The following SKI variants were observed in gnomAD, a reference collection of about 807,000 sequenced individuals.
The protein encoded by SKI is SKI proto-oncogene.
A neutral mutation model predicts 59.3 loss-of-function variants in SKI; 23 were observed. The observed-to-expected ratio is 0.39, with a 90% CI of 0.28 to 0.55. The LOEUF (loss-of-function observed/expected upper bound fraction) is 0.55. SKI is among the 20% of genes least tolerant of loss of function. The pLI, the probability that SKI is intolerant of heterozygous loss-of-function variation, is 0.67. For missense variants in SKI, 1,017 were observed against 1,038.9 expected (o/e 0.98, Z 0.29); for synonymous variants, 673 against 488.6 (o/e 1.38, Z -4.98).
intron 1 of SKI, among the ~76,000 whole-genome samples, chr1:2,246,428 C>G (rs1638997259): frequency 6.6e-6 from 1 of 152,098 alleles, no homozygotes; most frequent in South Asian, 2.1e-4. Context: ...TGATCCTGTT[C>G]TACTTGTAAA....
At chr1:2,230,486 G>A (rs1161173477) in intron 1 of SKI, among the ~76,000 whole-genome samples, 1 of 152,202 alleles carries the variant, frequency 6.6e-6, no homozygotes, top group East Asian at 1.9e-4. Flanking sequence ...GGGCCCGCGT[G>A]CTGGAGTTAC....
chr1:2,298,142 G>A (rs1640332097), intron 1 of SKI, among the ~76,000 whole-genome samples: 1 of 152,186 alleles, frequency 6.6e-6, no homozygotes. Context: ...ACTGTGCGTT[G>A]TTCACATGTG....
intron 1 of SKI, among the ~76,000 whole-genome samples, chr1:2,266,000 A>G (rs1197255851): frequency 6.6e-6 from 1 of 151,878 alleles, no homozygotes; most frequent in Non-Finnish European, 1.5e-5. Flanking sequence ...AAAAATCTTG[A>G]GCTTTGTCTA....
chr1:2,298,572 T>C (rs1422148509), intron 1 of SKI, among the ~76,000 whole-genome samples: 2 of 152,152 alleles, frequency 1.3e-5, no homozygotes, highest in African/African-American at 2.4e-5. Flanking sequence ...CCTTGTATCC[T>C]TTGGCCCTAA....
chr1:2,240,446 G>T (rs1638845651), intron 1 of SKI: 1 of 980,054 alleles, frequency 1.0e-6, no homozygotes, highest in African/African-American at 1.7e-5. Context: ...TTGGCGGCAA[G>T]CCACATGCTG....
intron 1 of SKI, among the ~76,000 whole-genome samples, chr1:2,275,990 CT>C: frequency 1.3e-5 from 2 of 152,208 alleles, no homozygotes; most frequent in Non-Finnish European, 2.9e-5. Flanking sequence ...CAGGCTGGTC[CT>C]GGGGCAGGCA....
intron 1 of SKI, among the ~76,000 whole-genome samples, chr1:2,265,267 G>A (rs555082247): frequency 5.9e-5 from 9 of 152,294 alleles, no homozygotes; most frequent in African/African-American, 9.6e-5. Context: ...TTGGTGGCCC[G>A]TGTGTCAGTC....
intron 1 of SKI, among the ~76,000 whole-genome samples, chr1:2,243,387 C>T (rs951170880): frequency 6.6e-6 from 1 of 152,256 alleles, no homozygotes; most frequent in Non-Finnish European, 1.5e-5. Context: ...CCTGCCCTTT[C>T]TGCAGCTGTG....
chr1:2,245,980 A>G (rs1638985600), intron 1 of SKI, among the ~76,000 whole-genome samples: 1 of 148,966 alleles, frequency 6.7e-6, no homozygotes, highest in South Asian at 2.1e-4. Flanking sequence ...TTTTTTTAGT[A>G]GAGACGGGTT....
rs1639564072 is a variant in SKI at position 2,269,191 on chromosome 1, C to T, written c.970-33787C>T. Among the ~76,000 whole-genome samples, 1 of 152,200 alleles carries T rather than the reference C, an allele frequency of 6.6e-6. No homozygotes were observed. The highest frequency in any genetic ancestry group is 1.5e-5 in the Non-Finnish European group (1 of 68,038). On this transcript the variant is annotated intron_variant, in intron 1 of 6. Transcript: ENST00000378536. This position sits in a 1 kb window ranked among gnomAD's most constrained non-coding sequence, Gnocchi z 4.7. The stretch of plus-strand genomic sequence containing the variant: ...AGAACTCCTGGGCTCAAGCGATCCT[C>T]CTGCTTCAGCCTCCCAAAGTGTTGG...
intron 1 of SKI, among the ~76,000 whole-genome samples, chr1:2,301,366 C>A (rs984860731): frequency 1.3e-5 from 2 of 152,242 alleles, no homozygotes; most frequent in African/African-American, 4.8e-5. Context: ...AAACCATCCA[C>A]AGCCGTGAGC....
intron 1 of SKI, among the ~76,000 whole-genome samples, chr1:2,299,305 T>C (rs1476274390): frequency 1.3e-5 from 2 of 151,922 alleles, no homozygotes; most frequent in Non-Finnish European, 2.9e-5. Context: ...CATGTCCTCC[T>C]CACGGACTCT....
At chr1:2,287,865 C>T (rs988044540) in intron 1 of SKI, among the ~76,000 whole-genome samples, 15 of 152,244 alleles carry the variant, frequency 9.9e-5, no homozygotes, top group Admixed American at 2.0e-4. Flanking sequence ...TGCATGGCAC[C>T]GCCCTCCGGC....
intron 1 of SKI, among the ~76,000 whole-genome samples, chr1:2,265,633 G>A (rs1639486975): frequency 6.6e-6 from 1 of 152,090 alleles, no homozygotes; most frequent in African/African-American, 2.4e-5. Flanking sequence ...GATTCTAGAC[G>A]TTTTGAAATG....
At chr1:2,236,503 T>A (rs1262843737) in intron 1 of SKI, among the ~76,000 whole-genome samples, 1 of 151,450 alleles carries the variant, frequency 6.6e-6, no homozygotes, top group African/African-American at 2.4e-5. Context: ...GCCTCCCGGG[T>A]TCAAGCAATT....
chr1:2,248,673 C>G (rs1465083407), intron 1 of SKI, among the ~76,000 whole-genome samples: 1 of 152,222 alleles, frequency 6.6e-6, no homozygotes, highest in Non-Finnish European at 1.5e-5. Context: ...TTTCCTTTGC[C>G]CACAGTGAAG....
At position 2,229,877 on chromosome 1, in the gene SKI, A is replaced by T; in HGVS notation, c.969+142A>T. ...TCCAGTCTTCGCTTTGTTTTAGGGAAATTCAGAGTGTTCCGACTGGCAGGG... is the reference window on the plus strand; with the variant it reads ...TCCAGTCTTCGCTTTGTTTTAGGGATATTCAGAGTGTTCCGACTGGCAGGG... On this transcript the variant is annotated intron_variant, in intron 1 of 6. Transcript: ENST00000378536. This position sits in a 1 kb window ranked among gnomAD's most constrained non-coding sequence, Gnocchi z 6.3. 6.9e-7 allele frequency: 1 copy of T among 1,448,564 alleles called. No homozygotes were observed. Among genetic ancestry groups the T allele is most frequent in the Non-Finnish European group, 9.3e-7 (1 of 1,076,454 alleles). 89.7% of individuals were successfully genotyped at this position (1,448,564 alleles called of 1,614,324 possible).
intron 1 of SKI, among the ~76,000 whole-genome samples, chr1:2,276,913 T>C (rs941960825): frequency 9.2e-5 from 14 of 152,134 alleles, no homozygotes; most frequent in Non-Finnish European, 1.8e-4. Context: ...CCTGATGCGT[T>C]TGTTTTGGGT....
rs1640712351 is a variant in SKI, at chr1:2,310,019, G to C, written c.*3254G>C. The C allele has an allele frequency of 6.7e-6, 1 of 148,818 alleles. No homozygotes were observed. The highest frequency in any genetic ancestry group is 1.5e-5 in the Non-Finnish European group (1 of 67,508). The allele number at this position is 148,818 out of a possible 1,614,324, so 9.2% of individuals were successfully genotyped here. On this transcript the variant is annotated 3_prime_UTR_variant, in exon 7 of 7. Transcript: ENST00000378536. ...CCCGCCCCTGCCCGTGCCCCACGCTGCTGCTAACGACAGTATGATGCTTAC... is the reference window on the plus strand; with the variant it reads ...CCCGCCCCTGCCCGTGCCCCACGCTCCTGCTAACGACAGTATGATGCTTAC...
Sources: gnomAD v4.1 joint callset for allele counts (sites outside exome capture counted in the v4.1 genomes callset) on GRCh38, gnomAD v4.1.1 for gene constraint, Gnocchi (gnomAD v3.1) non-coding constraint, MANE v1.5 for transcripts, NCBI Gene and HGNC (gene_info 2026-07-23, HGNC 2026-07-21) for gene names.